FTO: variants seen among roughly 807,000 people sequenced by gnomAD.
FTO encodes the protein alpha-ketoglutarate-dependent dioxygenase FTO.
Under a neutral mutation model 63.9 loss-of-function variants are expected in FTO, and 47 were observed. The observed-to-expected ratio is 0.74, with a 90% CI of 0.58 to 0.94. FTO has a LOEUF of 0.94. FTO is among the 40% of genes least tolerant of loss of function. The probability of loss-of-function intolerance (pLI) is 0.00; values close to 1 mark genes in which losing one functional copy is unlikely to be tolerated. For synonymous variants in FTO, 207 were observed against 224.4 expected, an observed-to-expected ratio of 0.92 and a Z score of 0.69; for missense variants, 562 against 618.1, an observed-to-expected ratio of 0.91 and a Z score of 0.96.
chr16:53,791,862 A>T (rs1276241579), intron 1 of FTO, among the ~76,000 whole-genome samples: 1 of 152,272 alleles, frequency 6.6e-6, no homozygotes, highest in South Asian at 2.1e-4. Context: ...TCACGAGGTC[A>T]GGAGATCGAG....
chr16:54,024,409 T>C (rs2084668665), intron 8 of FTO, among the ~76,000 whole-genome samples: 1 of 152,064 alleles, frequency 6.6e-6, no homozygotes, highest in African/African-American at 2.4e-5. Context: ...TTTGTATTTT[T>C]AGTAGAGACG....
chr16:53,840,834 AGCC>A (rs2079453446), intron 3 of FTO, among the ~76,000 whole-genome samples: 2 of 152,002 alleles, frequency 1.3e-5, no homozygotes, highest in Non-Finnish European at 2.9e-5. Context: ...TCTTCCCTAT[AGCC>A]ACTGTGACTG....
intron 8 of FTO, among the ~76,000 whole-genome samples, chr16:54,027,187 T>C (rs2084732181): frequency 6.6e-6 from 1 of 152,190 alleles, no homozygotes; most frequent in East Asian, 1.9e-4. Context: ...CAGGATAAGA[T>C]AATGATACCA....
intron 7 of FTO, among the ~76,000 whole-genome samples, chr16:53,906,948 G>A (rs1232592584): frequency 6.6e-6 from 1 of 152,150 alleles, no homozygotes; most frequent in Non-Finnish European, 1.5e-5. Context: ...TCTCAAAGTT[G>A]TCTGCTTTTC....
At chr16:53,715,297 CT>C (rs755915758) in intron 1 of FTO, among the ~76,000 whole-genome samples, 75 of 152,252 alleles carry the variant, frequency 4.9e-4, no homozygotes, top group Non-Finnish European at 9.4e-4. Flanking sequence ...CTGAGTTATG[CT>C]GGTGTTTTAT....
At chr16:53,784,810 T>G (rs1345315413) in intron 1 of FTO, among the ~76,000 whole-genome samples, 4 of 152,166 alleles carry the variant, frequency 2.6e-5, no homozygotes, top group African/African-American at 9.7e-5. Flanking sequence ...AATTCAGATA[T>G]TGCAGATATG....
intron 8 of FTO, among the ~76,000 whole-genome samples, chr16:54,104,698 T>G (rs1239855723): frequency 6.6e-6 from 1 of 152,296 alleles, no homozygotes; most frequent in Non-Finnish European, 1.5e-5. Flanking sequence ...TCAAACAGAC[T>G]CCTACTCAGC....
intron 8 of FTO, among the ~76,000 whole-genome samples, chr16:53,973,240 TCAG>T (rs144718350): frequency 0.017 from 2,572 of 152,280 alleles, 54 homozygotes; most frequent in African/African-American, 0.054. Flanking sequence ...GCAAGTCTAC[TCAG>T]CAGGAGGCTG....
rs1001143205 is a variant in FTO at position 54,079,252 on chromosome 16, G to A, written c.1365-32510G>A. ...TGAAGATCTAGTGAGTTCAGTGCCT[G>A]CTGACATAATCAGTGGTAATAAGGT... is the stretch of plus-strand genomic sequence containing the variant. On this transcript the variant is annotated intron_variant, in intron 8 of 8. Coordinates refer to ENST00000471389, the MANE Select transcript of FTO (RefSeq NM_001080432.3). 1.3e-5 allele frequency among the ~76,000 whole-genome samples: 2 copies of A among 152,146 alleles called. 1 individual carries two copies. The highest frequency in any genetic ancestry group is 2.9e-5 in the Non-Finnish European group (2 of 68,036).
intron 8 of FTO, among the ~76,000 whole-genome samples, chr16:54,044,871 C>T (rs1209166649): frequency 4.1e-5 from 4 of 97,478 alleles, no homozygotes; most frequent in African/African-American, 7.7e-5. Context: ...GGGTACATAA[C>T]GAAATGAAGG....
chr16:53,898,515 A>G (rs1370205488), intron 7 of FTO, among the ~76,000 whole-genome samples: 1 of 152,120 alleles, frequency 6.6e-6, no homozygotes, highest in African/African-American at 2.4e-5. Flanking sequence ...AATAATCTCC[A>G]TGAGGGCAGC....
Position 54,121,686 on chromosome 16 carries a change from C to T in FTO, c.*9771C>T, listed in dbSNP as rs866926883. 8 of 152,228 alleles carry T rather than the reference C, an allele frequency of 5.3e-5. No individual in the cohort carries two copies. The highest frequency in any genetic ancestry group is 3.9e-4 in the Admixed American group (6 of 15,260). 9.4% of individuals were successfully genotyped at this position (152,228 alleles called of 1,614,324 possible). On this transcript the variant is annotated 3_prime_UTR_variant, in exon 9 of 9. Transcript: ENST00000471389. ...AACAGTGCGAAGATTATTCCAATGC[C>T]TCATTCGGAGAGGTGATAATCTGGT...
At chr16:54,021,681 G>C (rs1336286066) in intron 8 of FTO, among the ~76,000 whole-genome samples, 1 of 152,046 alleles carries the variant, frequency 6.6e-6, no homozygotes, top group Non-Finnish European at 1.5e-5. Flanking sequence ...GTGGAGACAG[G>C]ATTTCCCCAT....
intron 7 of FTO, among the ~76,000 whole-genome samples, chr16:53,901,685 G>A (rs973755006): frequency 9.9e-5 from 15 of 152,114 alleles, no homozygotes; most frequent in Admixed American, 9.2e-4. Flanking sequence ...TGTTCAGAAC[G>A]TAAATGGCCG....
Position 53,897,651 on chromosome 16 carries a change from A to T in FTO, c.1239+8700A>T, listed in dbSNP as rs2081307361. ...AGTTAGCAGTGACATTTTTTAAAGG[A>T]TGGGAGTGGTGGCATATACCAATGC... is the stretch of plus-strand genomic sequence containing the variant. On this transcript the variant is annotated intron_variant, in intron 7 of 8. Coordinates refer to ENST00000471389, the MANE Select transcript of FTO (RefSeq NM_001080432.3). Among the ~76,000 whole-genome samples, 4 of 152,150 alleles carry T rather than the reference A, an allele frequency of 2.6e-5. No homozygotes were observed. In the South Asian group the frequency reaches 8.3e-4, roughly 31 times the overall value.
At chr16:54,048,267 A>T (rs2085230890) in intron 8 of FTO, among the ~76,000 whole-genome samples, 1 of 150,988 alleles carries the variant, frequency 6.6e-6, no homozygotes, top group Non-Finnish European at 1.5e-5. Flanking sequence ...AAAAAAAAAA[A>T]AAAAAAGAAG....
At chr16:54,040,018 T>C (rs2085034180) in intron 8 of FTO, 1 of 152,194 alleles carries the variant, frequency 6.6e-6, no homozygotes, top group Admixed American at 6.5e-5. Context: ...ACTGCTCCTC[T>C]CCGAAGCTGG....
At chr16:53,753,831 T>G (rs767387589) in intron 1 of FTO, among the ~76,000 whole-genome samples, 6 of 152,218 alleles carry the variant, frequency 3.9e-5, no homozygotes, top group Non-Finnish European at 8.8e-5. Flanking sequence ...TCCTATCACA[T>G]GAAGCTAGGA....
chr16:53,784,426 A>G (rs755845562), intron 1 of FTO, among the ~76,000 whole-genome samples: 1 of 152,226 alleles, frequency 6.6e-6, no homozygotes, highest in East Asian at 1.9e-4. Context: ...TTTCAAAAGT[A>G]AATACTTTTT....
Sources: gnomAD v4.1 joint callset for allele counts (sites outside exome capture counted in the v4.1 genomes callset) on GRCh38, gnomAD v4.1.1 for gene constraint, MANE v1.5 for transcripts, NCBI Gene and HGNC (gene_info 2026-07-23, HGNC 2026-07-21) for gene names.